The following MFSD8 variants were observed in gnomAD, a reference collection of about 807,000 sequenced individuals.
MFSD8 encodes major facilitator superfamily domain-containing protein 8.
Under a neutral mutation model 66.4 loss-of-function variants are expected in MFSD8, and 55 were observed. The observed-to-expected ratio is 0.83, with a 90% CI of 0.67 to 1.04. The LOEUF (loss-of-function observed/expected upper bound fraction) is 1.04, where lower values mean the gene tolerates loss of function less well. Ranked by LOEUF, MFSD8 falls within the 50% of genes least tolerant of loss-of-function variation. The pLI is 0.00. For missense variants in MFSD8, 550 were observed against 627.6 expected, an observed-to-expected ratio of 0.88 and a Z score of 1.32; for synonymous variants, 202 against 212.8, an observed-to-expected ratio of 0.95 and a Z score of 0.44.
chr4:127,945,065 C>A (rs1397438567), intron 3 of MFSD8, among the ~76,000 whole-genome samples: 2 of 152,090 alleles, frequency 1.3e-5, no homozygotes, highest in Non-Finnish European at 2.9e-5. Flanking sequence ...AGCTACTCAG[C>A]AGTCTAGAGT....
intron 4 of MFSD8, 165 bp downstream of exon 4, chr4:127,943,587 T>C (rs1048007619): frequency 9.1e-6 from 7 of 770,100 alleles, no homozygotes; most frequent in East Asian, 2.8e-5. Flanking sequence ...GAGAACATCA[T>C]GAGCAAAGGC....
chr4:127,928,565 AT>A (rs1339067247), intron 9 of MFSD8, among the ~76,000 whole-genome samples: 2 of 152,230 alleles, frequency 1.3e-5, no homozygotes, highest in African/African-American at 4.8e-5. Flanking sequence ...CCCAATTAAA[AT>A]GGCTTTAATC....
At chr4:127,930,606 T>C (rs1737958693) in intron 9 of MFSD8, 77 bp downstream of exon 9, 4 of 1,486,228 alleles carry the variant, frequency 2.7e-6, no homozygotes, top group Non-Finnish European at 3.7e-6. Context: ...TTTCCTGGTA[T>C]ATCCATTTGC....
Position 127,921,594 on chromosome 4 carries a change from C to A in MFSD8, c.1280G>T (p.Gly427Val), listed in dbSNP as rs760640742. The change falls in exon 11 of 12, where the codon GGA (glycine) becomes GTA (valine). Residue 427 changes from glycine to valine, a missense_variant. Transcript: ENST00000641686. Reference protein sequence around the residue: ...AQFLTSAVLIGLGYPVCNLMS... With the variant: ...AQFLTSAVLIVLGYPVCNLMS... ...AAGATTGCAGACTGGATAGCCTAAT[C>A]CTATTAGCACAGCTGATGTAAGGAA... 1 of 1,614,042 alleles carries A rather than the reference C, an allele frequency of 6.2e-7. No individual in the cohort carries two copies. Among genetic ancestry groups the A allele is most frequent in the African/African-American group, 1.3e-5 (1 of 74,926 alleles).
At chr4:127,956,203 C>T (rs951749906) in intron 2 of MFSD8, among the ~76,000 whole-genome samples, 1 of 151,290 alleles carries the variant, frequency 6.6e-6, no homozygotes, top group East Asian at 2.0e-4. Flanking sequence ...TGACTGATGG[C>T]TGTAAAGATG....
At chr4:127,926,104 A>G (rs940690932) in intron 9 of MFSD8, among the ~76,000 whole-genome samples, 1 of 151,852 alleles carries the variant, frequency 6.6e-6, no homozygotes, top group Non-Finnish European at 1.5e-5. Context: ...GGGCTAGAGG[A>G]GGGATAGCAT....
intron 7 of MFSD8, among the ~76,000 whole-genome samples, chr4:127,935,721 A>G (rs2148891553): frequency 6.6e-6 from 1 of 152,336 alleles, no homozygotes; most frequent in East Asian, 1.9e-4. Flanking sequence ...CATGACGGAA[A>G]TGTTATTTAT....
chr4:127,947,618 A>C (rs1455821419), intron 3 of MFSD8, among the ~76,000 whole-genome samples: 1 of 151,034 alleles, frequency 6.6e-6, no homozygotes, highest in Admixed American at 6.6e-5. Flanking sequence ...AAGGCTTTCC[A>C]GAGGAGGTGA....
At chr4:127,957,136 T>C (rs904541859) in intron 2 of MFSD8, among the ~76,000 whole-genome samples, 3 of 152,140 alleles carry the variant, frequency 2.0e-5, no homozygotes, top group South Asian at 4.1e-4. Flanking sequence ...CTTGAGGACA[T>C]TGAGTGAAAT....
At chr4:127,964,935 A>G in intron 1 of MFSD8, 137 bp downstream of exon 1, 1 of 1,055,332 alleles carries the variant, frequency 9.5e-7, no homozygotes, top group Non-Finnish European at 1.4e-6. Context: ...CTCGGCTCAC[A>G]CAACCCAGCC....
rs376661613 is a variant in MFSD8 at position 127,938,592 on chromosome 4, AAAATAAATAAATAAATAAAT to A, written c.754+171_754+190del. 9.2e-4 allele frequency among the ~76,000 whole-genome samples: 120 copies of A among 131,018 alleles called. 5 individuals carry two copies. The highest frequency in any genetic ancestry group is 3.5e-3 in the African/African-American group (109 of 31,130). The allele number at this position is 131,018 out of a possible 152,430, so 86.0% of individuals were successfully genotyped here. Reference sequence around the variant, plus strand: ...AGCGAAACTCTGTCTCAAAAAAAAAAAAATAAATAAATAAATAAATAAATAAATAAATAAATAAATAAATT... The same window carrying A: ...AGCGAAACTCTGTCTCAAAAAAAAAAAAATAAATAAATAAATAAATAAATT... On this transcript the variant is annotated intron_variant, in intron 7 of 11. Coordinates refer to ENST00000641686, the MANE Select transcript of MFSD8 (RefSeq NM_001371596.2).
intron 2 of MFSD8, among the ~76,000 whole-genome samples, chr4:127,953,412 C>T (rs1275598476): frequency 6.7e-6 from 1 of 149,142 alleles, no homozygotes; most frequent in Non-Finnish European, 1.5e-5. Context: ...CGTTTCAACA[C>T]GGGAGGCTGA....
At chr4:127,937,879 C>T (rs543317600) in intron 7 of MFSD8, among the ~76,000 whole-genome samples, 28 of 152,274 alleles carry the variant, frequency 1.8e-4, no homozygotes, top group African/African-American at 5.1e-4. Flanking sequence ...TAAAATAATA[C>T]TATGTCTTTT....
chr4:127,938,838 T>C lies in MFSD8; in HGVS notation c.699A>G (p.Arg233=). The C allele has an allele frequency of 3.1e-6, 5 of 1,605,786 alleles. No homozygotes were observed. Among genetic ancestry groups the C allele is most frequent in the Non-Finnish European group, 4.3e-6 (5 of 1,174,392 alleles). ...LNIILILAIL[R]EHRVDDSGRQ... is the part of the protein sequence containing the mutation. ...TTCCTGAGTCATCCACACGATGTTCTCTTAAAAAGAAAAACACAAATATTG... is the reference window on the plus strand; with the variant it reads ...TTCCTGAGTCATCCACACGATGTTCCCTTAAAAAGAAAAACACAAATATTG... Residue 233 remains arginine (R), a splice_region_variant and synonymous_variant, in exon 7 of 12, where the codon AGA becomes AGG. Transcript: ENST00000641686.
At chr4:127,953,950 G>A (rs1050887157) in intron 2 of MFSD8, among the ~76,000 whole-genome samples, 1 of 152,158 alleles carries the variant, frequency 6.6e-6, no homozygotes, top group Admixed American at 6.5e-5. Flanking sequence ...AAAATATATG[G>A]AAAATATATG....
At chr4:127,940,080 T>C in intron 5 of MFSD8, 83 bp from the exon 6 acceptor site, 3 of 1,265,356 alleles carry the variant, frequency 2.4e-6, no homozygotes, top group South Asian at 1.3e-5. Context: ...TACAACAGAA[T>C]TGGGAACAAT....
chr4:127,960,257 A>G (rs1198227292), intron 1 of MFSD8, among the ~76,000 whole-genome samples: 1 of 152,254 alleles, frequency 6.6e-6, no homozygotes, highest in Non-Finnish European at 1.5e-5. Context: ...GGCCAGGCGC[A>G]GTGGCTCATG....
At chr4:127,944,274 A>C (rs1162090814) in intron 3 of MFSD8, among the ~76,000 whole-genome samples, 1 of 152,218 alleles carries the variant, frequency 6.6e-6, no homozygotes, top group Non-Finnish European at 1.5e-5. Flanking sequence ...AGATAATCAC[A>C]CACACTATAT....
chr4:127,922,661 A>G (rs1226473142), intron 9 of MFSD8, among the ~76,000 whole-genome samples: 2 of 152,112 alleles, frequency 1.3e-5, no homozygotes, highest in South Asian at 2.1e-4. Flanking sequence ...ATGAATTCAT[A>G]GTATATTAAA....
Sources: gnomAD v4.1 joint callset for allele counts (sites outside exome capture counted in the v4.1 genomes callset) on GRCh38, gnomAD v4.1.1 for gene constraint, MANE v1.5 for transcripts, NCBI Gene and HGNC (gene_info 2026-07-23, HGNC 2026-07-21) for gene names.